Variants in MAP2 observed in about 807,000 individuals in gnomAD.
MAP2 encodes microtubule-associated protein 2.
MAP2 carries 14 observed loss-of-function variants against 137.6 expected under a neutral mutation model. The observed-to-expected ratio is 0.10, with a 90% CI of 0.07 to 0.16. The LOEUF is 0.16. MAP2 is among the 10% of genes least tolerant of loss of function. The pLI is 1.00. For synonymous variants in MAP2, 786 were observed against 782.3 expected, an observed-to-expected ratio of 1.00 and a Z score of -0.08; for missense variants, 2,088 against 2,191.5, an observed-to-expected ratio of 0.95 and a Z score of 0.94.
At chr2:209,477,437 A>C (rs890595321) in intron 1 of MAP2, among the ~76,000 whole-genome samples, 1 of 151,532 alleles carries the variant, frequency 6.6e-6, no homozygotes, top group Admixed American at 6.6e-5. Context: ...ATACATCATG[A>C]TTTTTTTTTC....
intron 1 of MAP2, among the ~76,000 whole-genome samples, chr2:209,475,939 A>C (rs1272190832): frequency 6.6e-6 from 1 of 152,144 alleles, no homozygotes; most frequent in Admixed American, 6.5e-5. Context: ...GTACATGCTG[A>C]ATGTTTATTA....
At chr2:209,450,599 A>C (rs746345094) in intron 1 of MAP2, among the ~76,000 whole-genome samples, 1 of 152,228 alleles carries the variant, frequency 6.6e-6, no homozygotes, top group South Asian at 2.1e-4. Context: ...CTTTTGTTCA[A>C]GTATATTTAT....
Position 209,678,527 on chromosome 2 carries a change from C to T in MAP2, c.263-45C>T, listed in dbSNP as rs746034361. On this transcript the variant is annotated intron_variant, in intron 5 of 15. Transcript: ENST00000682079. Reference sequence around the variant, plus strand: ...TGGTTACTTTTCCTCTTTGCTTTCTCAGACTTCTCATCGTTATATTTTATT... The same window carrying T: ...TGGTTACTTTTCCTCTTTGCTTTCTTAGACTTCTCATCGTTATATTTTATT... 3 of 1,005,852 alleles carry T rather than the reference C, an allele frequency of 3.0e-6. No homozygotes were observed. The South Asian group carries it at 5.0e-5, about 17-fold the overall frequency. The allele number at this position is 1,005,852 out of a possible 1,614,324, so 62.3% of individuals were successfully genotyped here. A position where few individuals can be genotyped will look rare whatever the true frequency, so the allele number is the denominator to read the frequency against.
chr2:209,481,834 T>G (rs2149836171), intron 1 of MAP2, among the ~76,000 whole-genome samples: 1 of 152,316 alleles, frequency 6.6e-6, no homozygotes, highest in South Asian at 2.1e-4. Flanking sequence ...TTCTTCTGTG[T>G]TATTGAGCAT....
chr2:209,700,386 T>C, intron 11 of MAP2, 48 bp downstream of exon 11: 2 of 1,393,318 alleles, frequency 1.4e-6, no homozygotes, highest in Middle Eastern at 1.8e-4. Context: ...GTTCCTTTGG[T>C]ATTAGCTGTA....
At chr2:209,439,879 A>T (rs1368535389) in intron 1 of MAP2, among the ~76,000 whole-genome samples, 1 of 151,518 alleles carries the variant, frequency 6.6e-6, no homozygotes, top group Non-Finnish European at 1.5e-5. Flanking sequence ...CTGGAGGAGA[A>T]TGTAAATAAA....
At chr2:209,510,223 G>C (rs767807755) in intron 2 of MAP2, among the ~76,000 whole-genome samples, 25 of 151,666 alleles carry the variant, frequency 1.6e-4, no homozygotes, top group Non-Finnish European at 3.1e-4. Context: ...TTTTTTTGTG[G>C]TTTGTTTTCA....
At chr2:209,628,313 C>T (rs966837276) in intron 4 of MAP2, among the ~76,000 whole-genome samples, 4 of 152,054 alleles carry the variant, frequency 2.6e-5, no homozygotes, top group African/African-American at 7.2e-5. Context: ...TGCAGTGAGC[C>T]GAGATATTTT....
chr2:209,431,180 A>G (rs1449827207), intron 1 of MAP2, among the ~76,000 whole-genome samples: 5 of 152,140 alleles, frequency 3.3e-5, no homozygotes, highest in African/African-American at 1.2e-4. Context: ...CCCAAATGGT[A>G]TCATGAGGGT....
At chr2:209,460,009 G>T (rs747528298) in intron 1 of MAP2, among the ~76,000 whole-genome samples, 43 of 152,184 alleles carry the variant, frequency 2.8e-4, no homozygotes, top group African/African-American at 9.7e-4. Flanking sequence ...TATTCTATGA[G>T]TCCAACCTCC....
At chr2:209,464,286 T>G (rs1030309596) in intron 1 of MAP2, among the ~76,000 whole-genome samples, 3 of 152,134 alleles carry the variant, frequency 2.0e-5, no homozygotes, top group Non-Finnish European at 4.4e-5. Flanking sequence ...GCACAGGTAC[T>G]TCGATTGAAA....
intron 1 of MAP2, among the ~76,000 whole-genome samples, chr2:209,459,593 A>G (rs532266800): frequency 1.3e-5 from 2 of 152,200 alleles, no homozygotes; most frequent in South Asian, 4.2e-4. Flanking sequence ...ATGGGTTTCT[A>G]CTGTAATTCT....
intron 1 of MAP2, among the ~76,000 whole-genome samples, chr2:209,439,364 A>T (rs759273694): frequency 6.6e-6 from 1 of 151,594 alleles, no homozygotes; most frequent in Non-Finnish European, 1.5e-5. Context: ...TGTGTGTATA[A>T]ATGTGTACAT....
intron 12 of MAP2, among the ~76,000 whole-genome samples, chr2:209,706,874 CA>C (rs2063594422): frequency 6.7e-6 from 1 of 148,436 alleles, no homozygotes; most frequent in Admixed American, 6.6e-5. Flanking sequence ...TAATTGTGTC[CA>C]ACATTATTTA....
At chr2:209,426,618 A>G (rs2149235604) in intron 1 of MAP2, among the ~76,000 whole-genome samples, 1 of 152,344 alleles carries the variant, frequency 6.6e-6, no homozygotes, top group South Asian at 2.1e-4. Flanking sequence ...ATTCATTGAG[A>G]GAGCAGGCAT....
intron 3 of MAP2, among the ~76,000 whole-genome samples, chr2:209,605,023 G>A (rs528769789): frequency 7.2e-5 from 11 of 152,244 alleles, no homozygotes; most frequent in African/African-American, 2.2e-4. Context: ...CTGTGTTTTA[G>A]TTAGTGCAGC....
chr2:209,704,687 C>A, intron 11 of MAP2: 1 of 1,384,190 alleles, frequency 7.2e-7, no homozygotes, highest in Non-Finnish European at 9.6e-7. Flanking sequence ...TGTTATAGAA[C>A]CTAATTCAGG....
intron 7 of MAP2, chr2:209,684,494 C>A (rs1358011222): frequency 6.6e-6 from 1 of 152,202 alleles, no homozygotes; most frequent in Non-Finnish European, 1.5e-5. Flanking sequence ...AGTACCGAAT[C>A]ACTAACATTC....
chr2:209,603,346 A>C (rs2083557917), intron 3 of MAP2, among the ~76,000 whole-genome samples: 1 of 152,130 alleles, frequency 6.6e-6, no homozygotes, highest in Non-Finnish European at 1.5e-5. Flanking sequence ...TGATAATCAC[A>C]GATAAAGCTT....
Sources: gnomAD v4.1 joint callset for allele counts (sites outside exome capture counted in the v4.1 genomes callset) on GRCh38, gnomAD v4.1.1 for gene constraint, MANE v1.5 for transcripts, NCBI Gene and HGNC (gene_info 2026-07-23, HGNC 2026-07-21) for gene names.